Variants in PAPPA observed in about 807,000 individuals in gnomAD.
PAPPA encodes the protein pappalysin-1.
PAPPA carries 60 observed loss-of-function variants against 164.0 expected under a neutral mutation model. The observed-to-expected ratio is 0.37, with a 90% CI of 0.30 to 0.45. The LOEUF (loss-of-function observed/expected upper bound fraction) is 0.45. PAPPA is among the 20% of genes least tolerant of loss of function. The pLI, the probability that PAPPA is intolerant of heterozygous loss-of-function variation, is 1.00. For synonymous variants in PAPPA, 875 were observed against 814.1 expected (o/e 1.07, Z -1.27); for missense variants, 1,782 against 2,087.3 (o/e 0.85, Z 2.85).
Position 116,154,134 on chromosome 9 carries a change from G to A in PAPPA, c.-39G>A. The A allele has an allele frequency of 7.1e-7, 1 of 1,404,970 alleles. No individual in the cohort carries two copies. Among genetic ancestry groups the A allele is most frequent in the Admixed American group, 2.4e-5 (1 of 41,936 alleles). The allele number at this position is 1,404,970 out of a possible 1,614,324, so 87.0% of individuals were successfully genotyped here. ...CCCAAAGCTGGCAGCTCCGGGTGGCGGTGCAGGGGCGAAGGGGGGGCGGGG... is the reference window on the plus strand; with the variant it reads ...CCCAAAGCTGGCAGCTCCGGGTGGCAGTGCAGGGGCGAAGGGGGGGCGGGG... On this transcript the variant is annotated 5_prime_UTR_variant, in exon 1 of 22. Coordinates refer to ENST00000328252, the MANE Select transcript of PAPPA (RefSeq NM_002581.5). This position sits in a 1 kb window ranked among gnomAD's most constrained non-coding sequence, Gnocchi z 5.2.
At chr9:116,312,231 G>A (rs1240458237) in intron 10 of PAPPA, among the ~76,000 whole-genome samples, 1 of 150,558 alleles carries the variant, frequency 6.6e-6, no homozygotes, top group Non-Finnish European at 1.5e-5. Context: ...ATTTGTTCTG[G>A]CTCCCTTAAA....
At chr9:116,385,526 C>A (rs780763051) in intron 21 of PAPPA, among the ~76,000 whole-genome samples, 4 of 152,152 alleles carry the variant, frequency 2.6e-5, no homozygotes, top group Non-Finnish European at 4.4e-5. Context: ...TGTTCCCATA[C>A]TCAGTTCCAG....
chr9:116,372,880 A>G lies in PAPPA; in HGVS notation c.4606-4696A>G, dbSNP rs564508867. 3.9e-5 allele frequency among the ~76,000 whole-genome samples: 6 copies of G among 152,336 alleles called. No individual in the cohort carries two copies. The East Asian group carries it at 1.2e-3, about 29-fold the overall frequency. On this transcript the variant is annotated intron_variant, in intron 19 of 21. Coordinates refer to ENST00000328252, the MANE Select transcript of PAPPA (RefSeq NM_002581.5). The stretch of plus-strand genomic sequence containing the variant: ...CCAGTGAGGTAAGGATTATCACGTT[A>G]CAGATGAAGAAGCTGAGGCTCAAAG...
At chr9:116,229,329 C>A (rs948220215) in intron 6 of PAPPA, among the ~76,000 whole-genome samples, 6 of 152,150 alleles carry the variant, frequency 3.9e-5, no homozygotes, top group African/African-American at 1.2e-4. Context: ...CATATGACAT[C>A]ATTTGCTTTT....
chr9:116,309,784 T>C (rs1845692795), intron 10 of PAPPA, among the ~76,000 whole-genome samples: 1 of 152,118 alleles, frequency 6.6e-6, no homozygotes, highest in South Asian at 2.1e-4. Flanking sequence ...CTTGACATTA[T>C]CCTGAGGGCA....
At chr9:116,387,471 T>C (rs1243113947) in intron 21 of PAPPA, among the ~76,000 whole-genome samples, 1 of 152,156 alleles carries the variant, frequency 6.6e-6, no homozygotes, top group Non-Finnish European at 1.5e-5. Flanking sequence ...CCTAATAAGC[T>C]CAAATGATCT....
At chr9:116,281,990 C>A (rs1042526566) in intron 9 of PAPPA, among the ~76,000 whole-genome samples, 2 of 152,148 alleles carry the variant, frequency 1.3e-5, no homozygotes, top group African/African-American at 4.8e-5. Flanking sequence ...AGATTTGAAC[C>A]AAGATCTGCC....
At chr9:116,305,150 C>G (rs905483013) in intron 10 of PAPPA, among the ~76,000 whole-genome samples, 1 of 150,786 alleles carries the variant, frequency 6.6e-6, no homozygotes, top group Non-Finnish European at 1.5e-5. Flanking sequence ...CACACACACA[C>G]ACACACACAC....
intron 9 of PAPPA, among the ~76,000 whole-genome samples, chr9:116,276,675 C>T (rs563434964): frequency 2.6e-4 from 39 of 152,184 alleles, no homozygotes; most frequent in Non-Finnish European, 2.9e-4. Flanking sequence ...CTTTCCCAGA[C>T]GTGGAGGCAT....
intron 18 of PAPPA, among the ~76,000 whole-genome samples, chr9:116,366,309 A>T (rs1048504595): frequency 6.6e-6 from 1 of 152,096 alleles, no homozygotes; most frequent in African/African-American, 2.4e-5. Flanking sequence ...CAACTTGCCA[A>T]CCCACAGCCT....
intron 10 of PAPPA, among the ~76,000 whole-genome samples, chr9:116,323,246 G>A (rs559818439): frequency 5.9e-5 from 9 of 152,272 alleles, no homozygotes; most frequent in East Asian, 3.9e-4. Context: ...TGGATGTAGC[G>A]GCTGGCAGTG....
At chr9:116,337,590 G>A (rs1291569575) in intron 13 of PAPPA, among the ~76,000 whole-genome samples, 1 of 151,914 alleles carries the variant, frequency 6.6e-6, no homozygotes, top group East Asian at 1.9e-4. Flanking sequence ...GAAAAGTACT[G>A]TTTCTCCCCT....
intron 7 of PAPPA, among the ~76,000 whole-genome samples, chr9:116,263,544 T>A (rs1845028321): frequency 6.6e-6 from 1 of 152,184 alleles, no homozygotes; most frequent in African/African-American, 2.4e-5. Context: ...AATTAACCAT[T>A]AATTGTAATG....
intron 1 of PAPPA, among the ~76,000 whole-genome samples, chr9:116,165,631 A>G (rs1843711979): frequency 6.6e-6 from 1 of 152,192 alleles, no homozygotes; most frequent in African/African-American, 2.4e-5. Context: ...CCAGAATGCA[A>G]ATCTGACTCT....
At chr9:116,243,041 A>G (rs772229056) in intron 7 of PAPPA, among the ~76,000 whole-genome samples, 5 of 152,164 alleles carry the variant, frequency 3.3e-5, no homozygotes, top group East Asian at 1.9e-4. Flanking sequence ...TCTATTTCTC[A>G]TTCGTTAAAT....
intron 7 of PAPPA, among the ~76,000 whole-genome samples, chr9:116,236,388 C>T (rs1013791147): frequency 6.6e-6 from 1 of 151,896 alleles, no homozygotes; most frequent in Non-Finnish European, 1.5e-5. Flanking sequence ...AGTTTAAGAC[C>T]AGCCTGGCTA....
chr9:116,379,809 T>C (rs1160592197), intron 20 of PAPPA, among the ~76,000 whole-genome samples: 1 of 152,188 alleles, frequency 6.6e-6, no homozygotes, highest in Non-Finnish European at 1.5e-5. Flanking sequence ...GGTGGCATTT[T>C]GGAGAGGTAA....
intron 20 of PAPPA, among the ~76,000 whole-genome samples, chr9:116,379,336 A>G (rs1473588284): frequency 6.6e-6 from 1 of 152,224 alleles, no homozygotes; most frequent in Non-Finnish European, 1.5e-5. Flanking sequence ...TCCAAGATAA[A>G]GAAAGGGTTT....
Position 116,347,125 on chromosome 9 carries a change from T to C in PAPPA, c.3880T>C (p.Tyr1294His). 1 of 1,614,174 alleles carries C rather than the reference T, an allele frequency of 6.2e-7. No individual in the cohort carries two copies. The highest frequency in any genetic ancestry group is 8.5e-7 in the Non-Finnish European group (1 of 1,179,986). ...CAGCATCCCAGATCACCATCAAGTC[T>C]ATGCTGCCTCCTTCTCCTGCCCTGA... ...DCSIPDHHQV[Y>H]AASFSCPEGT... The change falls in exon 15 of 22, where the codon TAT becomes CAT. Residue 1294 changes from tyrosine (Y) to histidine (H), a missense_variant. Tyr to His is a moderately conservative substitution (Grantham distance 83, BLOSUM62 2). Around this residue, in one of 2 missense-constraint regions of PAPPA, gnomAD observed 1,324 missense variants for 1,656.9 expected, o/e 0.80. Coordinates refer to ENST00000328252, the MANE Select transcript of PAPPA (RefSeq NM_002581.5). This position sits in a 1 kb window ranked among gnomAD's most constrained non-coding sequence, Gnocchi z 4.5.
Sources: gnomAD v4.1 joint callset for allele counts (sites outside exome capture counted in the v4.1 genomes callset) on GRCh38, gnomAD v4.1.1 for gene constraint, gnomAD v4.1.1 regional missense constraint, Gnocchi (gnomAD v3.1) non-coding constraint, MANE v1.5 for transcripts, NCBI Gene and HGNC (gene_info 2026-07-23, HGNC 2026-07-21) for gene names.